The following ANOS1 variants were observed in gnomAD, a reference collection of about 807,000 sequenced individuals.
The protein encoded by ANOS1 is anosmin-1.
In ANOS1, 6 loss-of-function variants were observed where a neutral mutation model predicts 59.0. That is an observed-to-expected ratio of 0.10 (90% CI 0.06 to 0.20). ANOS1 has a LOEUF of 0.20. Among genes scored for constraint, ANOS1 ranks in the 10% least tolerant of loss-of-function variants. The probability of loss-of-function intolerance (pLI) is 1.00; values close to 1 mark genes in which losing one functional copy is unlikely to be tolerated. For synonymous variants in ANOS1, 217 were observed against 223.4 expected (o/e 0.97, Z 0.25); for missense variants, 433 against 542.3 (o/e 0.80, Z 2.00).
chrX:8,671,544 C>A (rs1339418530), intron 2 of ANOS1, among the ~76,000 whole-genome samples: 2 of 108,429 alleles, frequency 1.8e-5, no homozygotes, highest in African/African-American at 6.7e-5. Flanking sequence ...AAAACAACAT[C>A]TATACATAAT....
At chrX:8,548,771 G>C (rs1277180436) in intron 9 of ANOS1, among the ~76,000 whole-genome samples, 3 of 112,432 alleles carry the variant, frequency 2.7e-5, no homozygotes, top group Admixed American at 9.4e-5. Context: ...CAGCCACAAA[G>C]AGTGTTCTCT....
intron 2 of ANOS1, among the ~76,000 whole-genome samples, chrX:8,645,364 A>G (rs1931735162): frequency 8.9e-6 from 1 of 111,818 alleles, no homozygotes; most frequent in Non-Finnish European, 1.9e-5. Context: ...ATTGACAAAG[A>G]TTCTCAACTT....
At chrX:8,717,536 G>GA (rs994094571) in intron 1 of ANOS1, among the ~76,000 whole-genome samples, 157 of 105,111 alleles carry the variant, frequency 1.5e-3, no homozygotes, top group African/African-American at 4.3e-3. Flanking sequence ...GGCCCAATGG[G>GA]AAAAAAAAAA....
intron 2 of ANOS1, among the ~76,000 whole-genome samples, chrX:8,671,596 T>C (rs1262200046): frequency 2.8e-5 from 3 of 107,249 alleles, no homozygotes; most frequent in Non-Finnish European, 5.7e-5. Context: ...AGTATATATA[T>C]ATATATATGG....
chrX:8,589,864 T>C (rs1930585167), intron 4 of ANOS1, among the ~76,000 whole-genome samples: 2 of 112,601 alleles, frequency 1.8e-5, no homozygotes, highest in Middle Eastern at 4.6e-3. Flanking sequence ...TCTATCTTTA[T>C]GACAACTTTA....
rs56405001 is a variant in ANOS1, at chrX:8,536,216, TA to T, written c.1622-406del. ...TTTTTTTTTTTTTTTTTTTTTTTTT[TA>T]AAAGGTGAGATCTTGCTATGTTGCC... On this transcript the variant is annotated intron_variant, in intron 11 of 13. Transcript: ENST00000262648. 2.7e-4 allele frequency among the ~76,000 whole-genome samples: 21 copies of T among 77,793 alleles called. 3 individuals carry two copies. The highest frequency in any genetic ancestry group is 1.6e-3 in the Admixed American group (11 of 6,795). 67.6% of individuals were successfully genotyped at this position (77,793 alleles called of 115,157 possible).
chrX:8,720,104 G>A (rs1276227362), intron 1 of ANOS1, among the ~76,000 whole-genome samples: 2 of 111,626 alleles, frequency 1.8e-5, no homozygotes, highest in Non-Finnish European at 3.8e-5. Context: ...ATGCCGGAAA[G>A]AATTATAAAG....
At chrX:8,603,782 T>A (rs183955592) in intron 3 of ANOS1, among the ~76,000 whole-genome samples, 1 of 112,339 alleles carries the variant, frequency 8.9e-6, no homozygotes, top group East Asian at 2.8e-4. Context: ...AGGATTATAA[T>A]TGCCTTTGCA....
chrX:8,533,740 TATC>T (rs1231396321), intron 13 of ANOS1, among the ~76,000 whole-genome samples: 1 of 111,972 alleles, frequency 8.9e-6, no homozygotes, highest in African/African-American at 3.2e-5. Context: ...ACTTGGGTCA[TATC>T]ATGAAGAAAA....
intron 2 of ANOS1, among the ~76,000 whole-genome samples, chrX:8,668,079 G>T (rs765039974): frequency 6.8e-4 from 74 of 108,409 alleles, no homozygotes; most frequent in Non-Finnish European, 1.2e-3. Context: ...GTGGTATTTG[G>T]TTACATGAGT....
At chrX:8,575,280 G>A (rs1930301089) in intron 6 of ANOS1, among the ~76,000 whole-genome samples, 2 of 112,221 alleles carry the variant, frequency 1.8e-5, no homozygotes, top group Admixed American at 1.9e-4. Flanking sequence ...ACCTTTCTGG[G>A]AGGGAACCTA....
intron 6 of ANOS1, among the ~76,000 whole-genome samples, chrX:8,576,854 C>G (rs1930336236): frequency 9.0e-6 from 1 of 111,551 alleles, no homozygotes; most frequent in African/African-American, 3.3e-5. Flanking sequence ...AAATTCAAAG[C>G]CTTTTAATGG....
chrX:8,559,201 G>A (rs1929993803), intron 8 of ANOS1, among the ~76,000 whole-genome samples: 1 of 111,863 alleles, frequency 8.9e-6, no homozygotes, highest in Non-Finnish European at 1.9e-5. Context: ...TCGAAAAAGT[G>A]GCCACAAGTT....
At chrX:8,535,113 T>C (rs1929566784) in intron 12 of ANOS1, 1 of 115,883 alleles carries the variant, frequency 8.6e-6, no homozygotes, top group Admixed American at 8.8e-5. Context: ...ATTTTTTTTT[T>C]TTTTTTTTGA....
intron 1 of ANOS1, among the ~76,000 whole-genome samples, chrX:8,700,006 A>C (rs1199161590): frequency 2.7e-5 from 3 of 112,060 alleles, no homozygotes; most frequent in Non-Finnish European, 3.8e-5. Context: ...AAAGGGTCTG[A>C]GGCAACTTTG....
At chrX:8,700,908 C>A (rs111746885) in intron 1 of ANOS1, among the ~76,000 whole-genome samples, 1 of 111,460 alleles carries the variant, frequency 9.0e-6, no homozygotes, top group Non-Finnish European at 1.9e-5. Context: ...ACTGGGGAGG[C>A]TAAGGCAGGA....
intron 1 of ANOS1, among the ~76,000 whole-genome samples, chrX:8,726,362 TA>T (rs1315347123): frequency 1.8e-5 from 2 of 111,255 alleles, no homozygotes; most frequent in African/African-American, 6.6e-5. Flanking sequence ...ATAGGGCGAA[TA>T]ACGTCCCATT....
intron 2 of ANOS1, among the ~76,000 whole-genome samples, chrX:8,669,594 C>CA (rs1862592579): frequency 1.3e-5 from 1 of 76,868 alleles, no homozygotes; most frequent in Non-Finnish European, 2.6e-5. Context: ...CCCAAAACTG[C>CA]TAAAAAAAAA....
intron 3 of ANOS1, among the ~76,000 whole-genome samples, chrX:8,598,728 C>G (rs1930787567): frequency 8.9e-6 from 1 of 112,254 alleles, no homozygotes; most frequent in South Asian, 3.7e-4. Context: ...ATTAAAGACA[C>G]ATGAAGTCTG....
Sources: gnomAD v4.1 joint callset for allele counts (sites outside exome capture counted in the v4.1 genomes callset) on GRCh38, gnomAD v4.1.1 for gene constraint, MANE v1.5 for transcripts, NCBI Gene and HGNC (gene_info 2026-07-23, HGNC 2026-07-21) for gene names.